The following ZNF648 variants were observed in gnomAD, a reference collection of about 807,000 sequenced individuals.
ZNF648 encodes the protein zinc finger protein 648.
In ZNF648, 1 loss-of-function variant was observed where a neutral mutation model predicts 0.3. That is an observed-to-expected ratio of 3.90 (90% CI 1.39 to 18.51). ZNF648 has a LOEUF of 18.51. Among genes scored for constraint, ZNF648 ranks in the 30% most tolerant of loss-of-function variants. The probability of loss-of-function intolerance (pLI) is 0.11; values close to 1 mark genes in which losing one functional copy is unlikely to be tolerated. For missense variants in ZNF648, 874 were observed against 769.7 expected (o/e 1.14, Z -1.60); for synonymous variants, 376 against 326.8 (o/e 1.15, Z -1.62).
chr1:182,057,362 C>A lies in ZNF648; in HGVS notation c.649G>T (p.Ala217Ser). The A allele has an allele frequency of 6.2e-7, 1 of 1,611,866 alleles. No individual in the cohort carries two copies. Residue 217 changes from alanine to serine, a missense_variant, in exon 2 of 2, where the codon GCC becomes TCC. Transcript: ENST00000339948. ...GCCAGGACCGCGGCAGCCAGGCTGG[C>A]TGGGGTGGCCGACGCCTGGGCTGGT... is the stretch of plus-strand genomic sequence containing the variant. The part of the protein sequence containing the change: ...HTPAQASATP[A>S]SLAAAVLAKA...
In ZNF648 at chr1:182,057,738, C is replaced by T; in HGVS notation, c.273G>A (p.Gly91=). 1 of 1,614,244 alleles carries T rather than the reference C, an allele frequency of 6.2e-7. No individual in the cohort carries two copies. The highest frequency in any genetic ancestry group is 8.5e-7 in the Non-Finnish European group (1 of 1,180,044). The change falls in exon 2 of 2, where the codon GGG becomes GGA. Residue 91 remains glycine, a synonymous_variant. Coordinates refer to ENST00000339948, the MANE Select transcript of ZNF648 (RefSeq NM_001009992.1). ...TCCCAGACATTTCCACTGGTTTCTGCCCCATGCCCCCAGCACTGGAGGAGT... is the reference window on the plus strand; with the variant it reads ...TCCCAGACATTTCCACTGGTTTCTGTCCCATGCCCCCAGCACTGGAGGAGT... ...FSDSSSAGGM[G]QKPVEMSGKA...
upstream of ZNF648, among the ~76,000 whole-genome samples, chr1:182,066,692 T>C (rs1666105884): frequency 6.6e-6 from 1 of 152,236 alleles, no homozygotes; most frequent in Admixed American, 6.5e-5. Flanking sequence ...TTGAGCCTCA[T>C]GCTCCTCACC....
At chr1:182,067,552 C>A in the ZNF648 span, among the ~76,000 whole-genome samples, 17 of 152,314 alleles carry the variant, frequency 1.1e-4, no homozygotes, top group Middle Eastern at 3.4e-3. Context: ...TCCACTGGAA[C>A]CTTTTCCTCA....
chr1:182,057,796 T>TG lies in ZNF648; in HGVS notation c.214dup (p.His72ProfsTer12). The TG allele has an allele frequency of 1.2e-6, 2 of 1,614,186 alleles. No homozygotes were observed. Among genetic ancestry groups the TG allele is most frequent in the Non-Finnish European group, 1.7e-6 (2 of 1,180,036 alleles). On this transcript the variant is annotated frameshift_variant, in exon 2 of 2. Coordinates refer to ENST00000339948, the MANE Select transcript of ZNF648 (RefSeq NM_001009992.1). LOFTEE classifies it low-confidence loss of function (END_TRUNC). The stretch of plus-strand genomic sequence containing the variant: ...TTTCTCTTCCTCTTTGCCCAGTGGA[T>TG]GGGGCCATGGCAAGTCAGGATTTTC...
the ZNF648 span, among the ~76,000 whole-genome samples, chr1:182,067,460 A>G: frequency 6.6e-6 from 1 of 152,220 alleles, no homozygotes; most frequent in Non-Finnish European, 1.5e-5. Flanking sequence ...AATCAGTATT[A>G]GCTAACAATA....
chr1:182,056,745 G>C lies in ZNF648; in HGVS notation c.1266C>G (p.Cys422Trp). The change falls in exon 2 of 2, where the codon TGC becomes TGG. Residue 422 changes from cysteine (C) to tryptophan (W), a missense_variant. By Grantham distance (215) the Cys-to-Trp change is radical. Coordinates refer to ENST00000339948, the MANE Select transcript of ZNF648 (RefSeq NM_001009992.1). ...RVHSGERPFP[C>W]PTCGKCFTKS... is the part of the protein sequence containing the mutation. ...TGGTGAAGCACTTGCCGCAGGTGGG[G>C]CAGGGGAAGGGCCGCTCGCCCGAGT... The C allele has an allele frequency of 6.3e-7, 1 of 1,574,970 alleles. No homozygotes were observed. The highest frequency in any genetic ancestry group is 8.6e-7 in the Non-Finnish European group (1 of 1,160,394).
upstream of ZNF648, among the ~76,000 whole-genome samples, chr1:182,066,607 A>G (rs1403475682): frequency 6.6e-6 from 1 of 152,254 alleles, no homozygotes; most frequent in African/African-American, 2.4e-5. Flanking sequence ...TCAGTACACA[A>G]CCTTGAGTCA....
In ZNF648 at chr1:182,057,798, G is replaced by A. The variant is rs1665962602; in HGVS notation, c.213C>T (p.Pro71=). The part of the protein sequence containing the change: ...VTHENPDLPW[P]HPLGKEEEKF... ...TCTCTTCCTCTTTGCCCAGTGGATG[G>A]GGCCATGGCAAGTCAGGATTTTCGT... is the stretch of plus-strand genomic sequence containing the variant. The change falls in exon 2 of 2, where the codon CCC becomes CCT. Residue 71 remains proline (P), a synonymous_variant. Transcript: ENST00000339948. 6.2e-7 allele frequency: 1 copy of A among 1,614,114 alleles called. No homozygotes were observed. The highest frequency in any genetic ancestry group is 1.7e-5 in the Admixed American group (1 of 60,012).
In ZNF648 at chr1:182,056,470, C is replaced by A. The variant is rs868122303; in HGVS notation, c.1541G>T (p.Arg514Leu). Residue 514 changes from arginine (R) to leucine (L), a missense_variant, in exon 2 of 2, where the codon CGC (arginine) becomes CTC (leucine). Arg to Leu is a moderately radical substitution (Grantham distance 102). Transcript: ENST00000339948. ...FLCAECGRAF[R>L]IASELAQHIR... ...GTGCTGGGCCAACTCAGAGGCAATGCGGAAGGCCCTGCCGCACTCGGCACA... is the reference window on the plus strand; with the variant it reads ...GTGCTGGGCCAACTCAGAGGCAATGAGGAAGGCCCTGCCGCACTCGGCACA... 2.5e-6 allele frequency: 4 copies of A among 1,613,854 alleles called. No individual in the cohort carries two copies. The highest frequency in any genetic ancestry group is 1.1e-5 in the South Asian group (1 of 90,986).
chr1:182,054,881 C>T lies in ZNF648; in HGVS notation c.*1423G>A, dbSNP rs904206876. ...GCTATCTAGCTATCTAGCTATCTCT[C>T]TTACTTCTCTTTGGCGCCCCCATGT... On this transcript the variant is annotated 3_prime_UTR_variant, in exon 2 of 2. Coordinates refer to ENST00000339948, the MANE Select transcript of ZNF648 (RefSeq NM_001009992.1). 1 of 152,218 alleles carries T rather than the reference C, an allele frequency of 6.6e-6. No homozygotes were observed. Among genetic ancestry groups the T allele is most frequent in the Non-Finnish European group, 1.5e-5 (1 of 68,036 alleles). The allele number at this position is 152,218 out of a possible 1,614,324, so 9.4% of individuals were successfully genotyped here.
chr1:182,067,770 A>G, the ZNF648 span, among the ~76,000 whole-genome samples: 1 of 152,238 alleles, frequency 6.6e-6, no homozygotes, highest in Admixed American at 6.5e-5. Flanking sequence ...CTTCACTGCA[A>G]GCAGTTGGAT....
At position 182,057,346 on chromosome 1, in the gene ZNF648, G is replaced by A. The variant is rs1428016196; in HGVS notation, c.665C>T (p.Ala222Val). 2 of 1,610,492 alleles carry A rather than the reference G, an allele frequency of 1.2e-6. No homozygotes were observed. Among genetic ancestry groups the A allele is most frequent in the Non-Finnish European group, 1.7e-6 (2 of 1,179,766 alleles). The part of the protein sequence containing the change: ...ASATPASLAA[A>V]VLAKARNSRK... The stretch of plus-strand genomic sequence containing the variant: ...GCTGTTCCGCGCTTTTGCCAGGACC[G>A]CGGCAGCCAGGCTGGCTGGGGTGGC... Residue 222 changes from alanine to valine, a missense_variant, in exon 2 of 2, where the codon GCG (alanine) becomes GTG (valine). Physicochemically the swap from Ala to Val is moderately conservative, Grantham distance 64 (BLOSUM62 0). Coordinates refer to ENST00000339948, the MANE Select transcript of ZNF648 (RefSeq NM_001009992.1).
At position 182,056,609 on chromosome 1, in the gene ZNF648, G is replaced by C; in HGVS notation, c.1402C>G (p.Arg468Gly). The C allele has an allele frequency of 6.2e-7, 1 of 1,613,204 alleles. No individual in the cohort carries two copies. The highest frequency in any genetic ancestry group is 8.5e-7 in the Non-Finnish European group (1 of 1,179,664). ...AQPSRLVRHQ[R>G]IHTGERPFPC... is the part of the protein sequence containing the mutation. ...AAGGGCCTCTCGCCAGTGTGGATGCGCTGGTGGCGCACGAGGCGCGAGGGC... is the reference window on the plus strand; with the variant it reads ...AAGGGCCTCTCGCCAGTGTGGATGCCCTGGTGGCGCACGAGGCGCGAGGGC... Residue 468 changes from arginine (R) to glycine (G), a missense_variant, in exon 2 of 2, where the codon CGC (arginine) becomes GGC (glycine). Physicochemically the swap from Arg to Gly is moderately radical, Grantham distance 125. Coordinates refer to ENST00000339948, the MANE Select transcript of ZNF648 (RefSeq NM_001009992.1).
chr1:182,058,727 C>G (rs1432587983), intron 1 of ZNF648, among the ~76,000 whole-genome samples: 1 of 152,222 alleles, frequency 6.6e-6, no homozygotes, highest in Non-Finnish European at 1.5e-5. Context: ...TACCCATAAG[C>G]ACCCGGGGGC....
In ZNF648 at chr1:182,056,398, C is replaced by G; in HGVS notation, c.1613G>C (p.Gly538Ala). 6.2e-7 allele frequency: 1 copy of G among 1,614,166 alleles called. No homozygotes were observed. The highest frequency in any genetic ancestry group is 1.1e-5 in the South Asian group (1 of 91,076). Reference protein sequence around the residue: ...GERPYQCEDCGQAFTRSNHLQ... With the variant: ...GERPYQCEDCAQAFTRSNHLQ... ...GTGATTGGACCTGGTGAAGGCCTGG[C>G]CGCAGTCCTCACACTGGTAGGGCCT... The change falls in exon 2 of 2, where the codon GGC (glycine) becomes GCC (alanine). Residue 538 changes from glycine (G) to alanine (A), a missense_variant. Gly to Ala is a moderately conservative substitution (Grantham distance 60). Coordinates refer to ENST00000339948, the MANE Select transcript of ZNF648 (RefSeq NM_001009992.1).
At position 182,057,262 on chromosome 1, in the gene ZNF648, T is replaced by A. The variant is rs749858692; in HGVS notation, c.749A>T (p.Tyr250Phe). ...GGCCCGCCCGCCCCGCAGGCACCTGTAGGGACGCGCCTCAGCCTCTCCGCC... is the reference window on the plus strand; with the variant it reads ...GGCCCGCCCGCCCCGCAGGCACCTGAAGGGACGCGCCTCAGCCTCTCCGCC... ...REGGEAEARP[Y>F]RCLRGGRAFQ... is the part of the protein sequence containing the mutation. The change falls in exon 2 of 2, where the codon TAC becomes TTC. Residue 250 changes from tyrosine to phenylalanine, a missense_variant. Coordinates refer to ENST00000339948, the MANE Select transcript of ZNF648 (RefSeq NM_001009992.1). 6.5e-5 allele frequency: 103 copies of A among 1,585,422 alleles called. 2 individuals are homozygous for A. In the South Asian group the frequency reaches 1.1e-3, roughly 17 times the overall value.
Position 182,056,098 on chromosome 1 carries a change from G to A in ZNF648, c.*206C>T. On this transcript the variant is annotated 3_prime_UTR_variant, in exon 2 of 2. Transcript: ENST00000339948. ...CCCTTTTCCAATTGCTTATGACCTC[G>A]GACACTCAGAACCACTGATGTGAAA... is the stretch of plus-strand genomic sequence containing the variant. 2 of 628,036 alleles carry A rather than the reference G, an allele frequency of 3.2e-6. No homozygotes were observed. The highest frequency in any genetic ancestry group is 3.2e-5 in the Admixed American group (1 of 30,770). The allele number at this position is 628,036 out of a possible 1,614,324, so 38.9% of individuals were successfully genotyped here.
upstream of ZNF648, chr1:182,064,604 G>C (rs552306854): frequency 6.6e-6 from 1 of 152,326 alleles, no homozygotes; most frequent in East Asian, 1.9e-4. Flanking sequence ...TGCAGAATGT[G>C]GCAGATATGG....
At chr1:182,065,366 C>T (rs1200671542), upstream of ZNF648, among the ~76,000 whole-genome samples, 2 of 152,216 alleles carry the variant, frequency 1.3e-5, no homozygotes, top group African/African-American at 4.8e-5. Flanking sequence ...GCATTCTTCT[C>T]CCTCAGCCTT....
Sources: gnomAD v4.1 joint callset for allele counts (sites outside exome capture counted in the v4.1 genomes callset) on GRCh38, gnomAD v4.1.1 for gene constraint, MANE v1.5 for transcripts, NCBI Gene and HGNC (gene_info 2026-07-23, HGNC 2026-07-21) for gene names.